TMEM232: variants seen among roughly 807,000 people sequenced by gnomAD.
TMEM232 encodes the protein transmembrane protein 232.
In TMEM232, 80 loss-of-function variants were observed where a neutral mutation model predicts 78.8. The observed-to-expected ratio is 1.01, with a 90% CI of 0.85 to 1.22. TMEM232 has a LOEUF of 1.22. TMEM232 is among the 50% of genes most tolerant of loss of function. The probability of loss-of-function intolerance (pLI) is 0.00; values close to 1 mark genes in which losing one functional copy is unlikely to be tolerated. For missense variants in TMEM232, 881 were observed against 742.2 expected, an observed-to-expected ratio of 1.19 and a Z score of -2.17; for synonymous variants, 297 against 254.3, an observed-to-expected ratio of 1.17 and a Z score of -1.60.
intron 1 of TMEM232, among the ~76,000 whole-genome samples, chr5:110,687,531 C>A (rs1466688543): frequency 1.3e-5 from 2 of 152,070 alleles, no homozygotes; most frequent in African/African-American, 4.8e-5. Context: ...TGTAATACAA[C>A]CTTATTGCCA....
chr5:110,446,193 A>G (rs1302563724), intron 12 of TMEM232, among the ~76,000 whole-genome samples: 2 of 152,054 alleles, frequency 1.3e-5, no homozygotes, highest in Non-Finnish European at 2.9e-5. Flanking sequence ...ACCTTTAAGG[A>G]GAGTAGGGCA....
At chr5:110,723,818 T>C (rs963068973) in intron 1 of TMEM232, among the ~76,000 whole-genome samples, 1 of 152,322 alleles carries the variant, frequency 6.6e-6, no homozygotes, top group East Asian at 1.9e-4. Context: ...TGGTAAAGTT[T>C]ACTTTCATGA....
intron 2 of TMEM232, among the ~76,000 whole-genome samples, chr5:110,652,462 T>C (rs1788472351): frequency 6.6e-6 from 1 of 152,226 alleles, no homozygotes; most frequent in African/African-American, 2.4e-5. Flanking sequence ...AAATAATATC[T>C]AATTCAATTT....
At chr5:110,629,114 A>G (rs1023831719) in intron 5 of TMEM232, among the ~76,000 whole-genome samples, 3 of 152,098 alleles carry the variant, frequency 2.0e-5, no homozygotes, top group African/African-American at 7.2e-5. Context: ...AATATTTAAA[A>G]GAATACTGAA....
chr5:110,624,218 G>T (rs913773211), intron 7 of TMEM232, among the ~76,000 whole-genome samples: 25 of 152,058 alleles, frequency 1.6e-4, no homozygotes, highest in African/African-American at 5.8e-4. Context: ...ACTGTTTAGG[G>T]TAAAGTGAGG....
chr5:110,463,331 T>G (rs574279547), intron 12 of TMEM232, among the ~76,000 whole-genome samples: 1 of 152,236 alleles, frequency 6.6e-6, no homozygotes, highest in South Asian at 2.1e-4. Flanking sequence ...AATTAAGGTA[T>G]GTGCATTTTT....
intron 10 of TMEM232, among the ~76,000 whole-genome samples, chr5:110,601,377 T>C (rs1028927890): frequency 6.6e-5 from 10 of 152,178 alleles, no homozygotes; most frequent in Non-Finnish European, 1.5e-5. Context: ...TGTTTGCAGA[T>C]GACATGATTG....
chr5:110,415,915 G>A (rs373279811), downstream of TMEM232, among the ~76,000 whole-genome samples: 16 of 152,156 alleles, frequency 1.1e-4, no homozygotes, highest in African/African-American at 3.6e-4. Context: ...GTTACTGGAA[G>A]GTTGGATATC....
At chr5:110,539,515 C>G (rs1772830058) in intron 11 of TMEM232, among the ~76,000 whole-genome samples, 1 of 152,188 alleles carries the variant, frequency 6.6e-6, no homozygotes, top group African/African-American at 2.4e-5. Context: ...CTTCTCCATT[C>G]CCTCTGGCAC....
chr5:110,679,836 T>C (rs940517704), intron 1 of TMEM232, among the ~76,000 whole-genome samples: 1 of 152,108 alleles, frequency 6.6e-6, no homozygotes. Context: ...CAATTTTATG[T>C]CTGTTGGTTC....
chr5:110,465,840 T>G (rs1346853760), intron 12 of TMEM232, among the ~76,000 whole-genome samples: 2 of 152,172 alleles, frequency 1.3e-5, no homozygotes, highest in African/African-American at 4.8e-5. Context: ...ATGAGTTCAT[T>G]TATTAAGTTA....
At chr5:110,563,700 A>G (rs746494646) in intron 11 of TMEM232, among the ~76,000 whole-genome samples, 2 of 151,922 alleles carry the variant, frequency 1.3e-5, no homozygotes, top group Non-Finnish European at 2.9e-5. Flanking sequence ...CTAAATCCCA[A>G]TAATGGGGAT....
intron 5 of TMEM232, among the ~76,000 whole-genome samples, chr5:110,628,436 C>A (rs1784687767): frequency 6.6e-6 from 1 of 151,946 alleles, no homozygotes; most frequent in South Asian, 2.1e-4. Context: ...TGAAAAAAGA[C>A]CTCTCACAGG....
chr5:110,508,219 G>A (rs1474548080), intron 12 of TMEM232, among the ~76,000 whole-genome samples: 1 of 152,024 alleles, frequency 6.6e-6, no homozygotes, highest in African/African-American at 2.4e-5. Context: ...CTTCAGATAT[G>A]ATGGATGCTT....
At chr5:110,694,898 C>T (rs1794586143) in intron 1 of TMEM232, among the ~76,000 whole-genome samples, 1 of 152,158 alleles carries the variant, frequency 6.6e-6, no homozygotes, top group Non-Finnish European at 1.5e-5. Context: ...ATCAAAGAGA[C>T]AGAAAGTTCA....
Position 110,705,906 on chromosome 5 carries a change from A to G in TMEM232, c.-13+20721T>C, listed in dbSNP as rs1390381231. 2.0e-5 allele frequency among the ~76,000 whole-genome samples: 3 copies of G among 151,808 alleles called. No homozygotes were observed. The East Asian group carries it at 5.8e-4, about 29-fold the overall frequency. ...ACCCTAATTTCAACCCCCCTCCAAA[A>G]TAATATATGCTATATAGGAAAAGGA... On this transcript the variant is annotated intron_variant, in intron 1 of 13. Coordinates refer to ENST00000455884, the MANE Select transcript of TMEM232 (RefSeq NM_001039763.4).
chr5:110,558,735 C>T (rs1257054695), intron 11 of TMEM232, among the ~76,000 whole-genome samples: 1 of 152,138 alleles, frequency 6.6e-6, no homozygotes, highest in Admixed American at 6.5e-5. Flanking sequence ...TACAGCCATT[C>T]CCACACCAAA....
chr5:110,550,609 A>T (rs1774333318), intron 11 of TMEM232, among the ~76,000 whole-genome samples: 1 of 151,934 alleles, frequency 6.6e-6, no homozygotes, highest in Non-Finnish European at 1.5e-5. Flanking sequence ...ATTTGTAAGC[A>T]TATGATATAT....
At chr5:110,599,497 C>CA (rs1265671507) in intron 10 of TMEM232, among the ~76,000 whole-genome samples, 12 of 151,808 alleles carry the variant, frequency 7.9e-5, no homozygotes, top group African/African-American at 2.9e-4. Context: ...AAATGGAAAG[C>CA]AAAAATGCAG....
Sources: allele counts gnomAD v4.1 joint callset (sites outside exome capture counted in the v4.1 genomes callset), GRCh38; gene constraint gnomAD v4.1.1; transcripts MANE v1.5; gene names NCBI Gene and HGNC (gene_info 2026-07-23, HGNC 2026-07-21).